Variants in NTM observed in about 807,000 individuals in gnomAD.
NTM encodes neurotrimin.
A neutral mutation model predicts 42.1 loss-of-function variants in NTM; 13 were observed. The ratio of observed to expected loss-of-function variants is 0.31; its 90% CI spans 0.20 to 0.49. The LOEUF (loss-of-function observed/expected upper bound fraction) is 0.49. NTM is among the 20% of genes least tolerant of loss of function. The pLI, the probability that NTM is intolerant of heterozygous loss-of-function variation, is 0.99. For synonymous variants in NTM, 187 were observed against 179.2 expected, an observed-to-expected ratio of 1.04 and a Z score of -0.35; for missense variants, 373 against 452.8, an observed-to-expected ratio of 0.82 and a Z score of 1.60.
chr11:131,626,897 G>C lies in NTM; in HGVS notation c.82+256009G>C, dbSNP rs116679107. Among the ~76,000 whole-genome samples, 776 of 152,308 alleles carry C rather than the reference G, an allele frequency of 5.1e-3. 1 individual carries two copies. The highest frequency in any genetic ancestry group is 0.018 in the African/African-American group (739 of 41,566). ...GTTCCCCGAATTGCTTCCTCCACCT[G>C]CTCCTAATAGGGAAGCCACCTTATG... On this transcript the variant is annotated intron_variant, in intron 1 of 8. Coordinates refer to ENST00000683400, the MANE Select transcript of NTM (RefSeq NM_001352005.2).
intron 1 of NTM, among the ~76,000 whole-genome samples, chr11:131,820,124 G>A (rs892673425): frequency 3.3e-5 from 5 of 152,126 alleles, no homozygotes; most frequent in Non-Finnish European, 5.9e-5. Flanking sequence ...TAACATAAGC[G>A]GCTGCTTGGG....
chr11:131,506,109 A>C (rs2047457038), intron 1 of NTM, among the ~76,000 whole-genome samples: 2 of 152,144 alleles, frequency 1.3e-5, no homozygotes, highest in African/African-American at 4.8e-5. Flanking sequence ...GAATGGTTGA[A>C]TTAAACCTGG....
chr11:131,844,006 TAG>T (rs1169582035), intron 1 of NTM, among the ~76,000 whole-genome samples: 3 of 152,090 alleles, frequency 2.0e-5, no homozygotes, highest in Non-Finnish European at 4.4e-5. Context: ...CTTTTTTTTG[TAG>T]AGAACTATTT....
chr11:132,217,734 G>T (rs1739260943), intron 4 of NTM, among the ~76,000 whole-genome samples: 1 of 151,868 alleles, frequency 6.6e-6, no homozygotes, highest in South Asian at 2.1e-4. Context: ...TACTTGAAGA[G>T]GTCCAGTGGA....
At chr11:132,263,870 C>G (rs1566610143) in intron 4 of NTM, among the ~76,000 whole-genome samples, 1 of 152,198 alleles carries the variant, frequency 6.6e-6, no homozygotes, top group Non-Finnish European at 1.5e-5. Flanking sequence ...GAAATCTCGT[C>G]AGAACGGCTT....
At chr11:131,653,641 G>T (rs2066792571) in intron 1 of NTM, among the ~76,000 whole-genome samples, 1 of 152,228 alleles carries the variant, frequency 6.6e-6, no homozygotes. Flanking sequence ...CCAGCTTGCT[G>T]CTCCTACCCG....
chr11:132,246,112 T>TA (rs1471495881), intron 4 of NTM, among the ~76,000 whole-genome samples: 1 of 152,194 alleles, frequency 6.6e-6, no homozygotes, highest in African/African-American at 2.4e-5. Flanking sequence ...TTAGCAGCAC[T>TA]GAGCGGAACT....
intron 1 of NTM, among the ~76,000 whole-genome samples, chr11:131,878,584 AAAAAAAAAAAATATATATATATATAT>A (rs2048887629): frequency 2.0e-5 from 1 of 50,760 alleles, no homozygotes; most frequent in African/African-American, 8.7e-5. Context: ...AAAAAAAAAA[AAAAAAAAAAAATATATATATATATAT>A]ATATATATAT....
At chr11:131,431,035 C>T (rs1464611030) in intron 1 of NTM, among the ~76,000 whole-genome samples, 2 of 152,224 alleles carry the variant, frequency 1.3e-5, no homozygotes, top group African/African-American at 4.8e-5. Context: ...GCTTGATTTG[C>T]AGCCGTTCCA....
intron 1 of NTM, among the ~76,000 whole-genome samples, chr11:131,677,897 A>G (rs2071711476): frequency 6.6e-6 from 1 of 152,214 alleles, no homozygotes; most frequent in African/African-American, 2.4e-5. Flanking sequence ...ACAGCTGGTC[A>G]GCAAGCCCTA....
rs113470776 is a variant in NTM at position 131,741,961 on chromosome 11, A to C, written c.83-169603A>C. On this transcript the variant is annotated intron_variant, in intron 1 of 8. Coordinates refer to ENST00000683400, the MANE Select transcript of NTM (RefSeq NM_001352005.2). Reference sequence around the variant, plus strand: ...GAGCTGGAGGCCATTATCCTTAGCAAGCTAACACAGGAACAGAAAACCAAA... The same window carrying C: ...GAGCTGGAGGCCATTATCCTTAGCACGCTAACACAGGAACAGAAAACCAAA... Among the ~76,000 whole-genome samples, 1,204 of 152,318 alleles carry C rather than the reference A, an allele frequency of 7.9e-3. 17 individuals carry two copies. Among genetic ancestry groups the C allele is most frequent in the African/African-American group, 0.024 (990 of 41,572 alleles).
intron 1 of NTM, among the ~76,000 whole-genome samples, chr11:131,752,352 C>A (rs565529524): frequency 6.6e-6 from 1 of 152,192 alleles, no homozygotes; most frequent in Non-Finnish European, 1.5e-5. Flanking sequence ...CCATCTCACA[C>A]CAGTTAGAAT....
At chr11:131,936,608 C>T (rs1001979702) in intron 2 of NTM, among the ~76,000 whole-genome samples, 1 of 152,224 alleles carries the variant, frequency 6.6e-6, no homozygotes, top group East Asian at 1.9e-4. Flanking sequence ...ATCTGTGTAA[C>T]CAAAAACAAC....
intron 1 of NTM, among the ~76,000 whole-genome samples, chr11:131,518,355 G>T (rs1248845202): frequency 4.6e-5 from 7 of 152,152 alleles, no homozygotes; most frequent in African/African-American, 1.2e-4. Flanking sequence ...TTTCTCAGAG[G>T]ATGCAGGAAG....
At chr11:131,503,921 C>A (rs1409238080) in intron 1 of NTM, among the ~76,000 whole-genome samples, 1 of 152,204 alleles carries the variant, frequency 6.6e-6, no homozygotes, top group Admixed American at 6.5e-5. Context: ...AACTCAGATG[C>A]CATCACCAAC....
intron 1 of NTM, among the ~76,000 whole-genome samples, chr11:131,673,814 T>G (rs1356240013): frequency 6.6e-6 from 1 of 152,180 alleles, no homozygotes; most frequent in Non-Finnish European, 1.5e-5. Flanking sequence ...GCAGAAGTCC[T>G]TTTAAAACAA....
intron 5 of NTM, 75 bp from the exon 6 acceptor site, chr11:132,310,037 C>T (rs534553596): frequency 2.1e-4 from 305 of 1,454,850 alleles, no homozygotes; most frequent in Non-Finnish European, 2.6e-4. Flanking sequence ...GCCTGAGCCA[C>T]AAGAGCAAGA....
intron 2 of NTM, among the ~76,000 whole-genome samples, chr11:132,124,174 C>T (rs1480410518): frequency 2.0e-5 from 3 of 152,256 alleles, no homozygotes; most frequent in African/African-American, 7.2e-5. Context: ...GTGCTATGCC[C>T]CTTCCTTTCT....
chr11:131,526,155 A>G (rs950036156), intron 1 of NTM, among the ~76,000 whole-genome samples: 3 of 152,266 alleles, frequency 2.0e-5, no homozygotes, highest in African/African-American at 7.2e-5. Context: ...AGAAGCCAAG[A>G]GCCCAAGGTG....
Sources: allele counts gnomAD v4.1 joint callset (sites outside exome capture counted in the v4.1 genomes callset), GRCh38; gene constraint gnomAD v4.1.1; transcripts MANE v1.5; gene names NCBI Gene and HGNC (gene_info 2026-07-23, HGNC 2026-07-21).